KAT6B: variants seen among roughly 807,000 people sequenced by gnomAD.
KAT6B encodes histone acetyltransferase KAT6B.
A neutral mutation model predicts 187.5 loss-of-function variants in KAT6B; 10 were observed. The observed-to-expected ratio is 0.05, with a 90% CI of 0.03 to 0.09. KAT6B has a LOEUF of 0.09. Among genes scored for constraint, KAT6B ranks in the 10% least tolerant of loss-of-function variants. The pLI is 1.00. For synonymous variants in KAT6B, 861 were observed against 926.8 expected (o/e 0.93, Z 1.29); for missense variants, 1,952 against 2,558.9 (o/e 0.76, Z 5.12).
intron 3 of KAT6B, among the ~76,000 whole-genome samples, chr10:74,867,902 G>C (rs2132363601): frequency 6.6e-6 from 1 of 152,288 alleles, no homozygotes; most frequent in East Asian, 1.9e-4. Context: ...TTTCTGTTCT[G>C]ATGGAAGTGA....
intron 3 of KAT6B, among the ~76,000 whole-genome samples, chr10:74,863,087 G>T (rs755768431): frequency 2.0e-5 from 3 of 152,114 alleles, no homozygotes; most frequent in Non-Finnish European, 4.4e-5. Flanking sequence ...CATGCTCCTT[G>T]TACAGACTTT....
chr10:74,901,584 G>T (rs1188517744), intron 3 of KAT6B, among the ~76,000 whole-genome samples: 1 of 152,120 alleles, frequency 6.6e-6, no homozygotes, highest in Non-Finnish European at 1.5e-5. Flanking sequence ...ATTATACCTG[G>T]AAACACTTTG....
At chr10:74,842,369 TC>T (rs1841809917) in intron 2 of KAT6B, among the ~76,000 whole-genome samples, 1 of 152,196 alleles carries the variant, frequency 6.6e-6, no homozygotes, top group South Asian at 2.1e-4. Flanking sequence ...TGATTATGCC[TC>T]ATAAATGACT....
At chr10:74,840,225 T>C (rs559924712) in intron 2 of KAT6B, among the ~76,000 whole-genome samples, 1 of 152,316 alleles carries the variant, frequency 6.6e-6, no homozygotes, top group Admixed American at 6.5e-5. Flanking sequence ...TGAACTGTCA[T>C]ATTTTAAGAT....
chr10:74,984,325 A>G (rs1589754654), intron 11 of KAT6B: 1 of 152,412 alleles, frequency 6.6e-6, no homozygotes, highest in East Asian at 1.9e-4. Context: ...GAAAAGTGCT[A>G]GGGAAATTCT....
At chr10:74,889,647 C>T (rs1017463778) in intron 3 of KAT6B, among the ~76,000 whole-genome samples, 2 of 152,162 alleles carry the variant, frequency 1.3e-5, no homozygotes, top group African/African-American at 4.8e-5. Context: ...ATCAAGGAGC[C>T]TTATCCAATG....
At chr10:74,860,016 G>A (rs538307168) in intron 3 of KAT6B, among the ~76,000 whole-genome samples, 3 of 152,228 alleles carry the variant, frequency 2.0e-5, no homozygotes, top group Admixed American at 6.5e-5. Flanking sequence ...TAAAGAGCTA[G>A]CATTGAGAAC....
At chr10:74,961,727 G>C (rs1841109216) in intron 4 of KAT6B, among the ~76,000 whole-genome samples, 1 of 152,198 alleles carries the variant, frequency 6.6e-6, no homozygotes, top group Non-Finnish European at 1.5e-5. Context: ...CTTTATGTTT[G>C]AGGTCACTGA....
At chr10:74,961,869 A>C (rs1472415693) in intron 4 of KAT6B, among the ~76,000 whole-genome samples, 2 of 152,122 alleles carry the variant, frequency 1.3e-5, no homozygotes, top group African/African-American at 4.8e-5. Context: ...ACAAATGGAG[A>C]ATAATGACTT....
intron 9 of KAT6B, among the ~76,000 whole-genome samples, chr10:74,978,089 G>A (rs1842275921): frequency 6.6e-6 from 1 of 152,172 alleles, no homozygotes; most frequent in African/African-American, 2.4e-5. Context: ...GTGTGGTCAG[G>A]TAGACTCCCT....
At chr10:74,925,948 G>T (rs1485585563) in intron 3 of KAT6B, among the ~76,000 whole-genome samples, 4 of 152,096 alleles carry the variant, frequency 2.6e-5, no homozygotes, top group Admixed American at 6.6e-5. Flanking sequence ...ATGGCAGGGT[G>T]GGGGGCAGGG....
At chr10:75,013,324 T>C (rs1844745051) in intron 13 of KAT6B, among the ~76,000 whole-genome samples, 1 of 152,086 alleles carries the variant, frequency 6.6e-6, no homozygotes, top group African/African-American at 2.4e-5. Flanking sequence ...CTGGGAACTT[T>C]GTTGCCATTT....
intron 3 of KAT6B, among the ~76,000 whole-genome samples, chr10:74,855,514 A>G (rs1408501373): frequency 6.6e-6 from 1 of 152,226 alleles, no homozygotes; most frequent in African/African-American, 2.4e-5. Context: ...CAAAATTAGT[A>G]TTGTAAACAC....
chr10:74,989,342 A>G (rs977556447), intron 13 of KAT6B, among the ~76,000 whole-genome samples: 1 of 152,248 alleles, frequency 6.6e-6, no homozygotes, highest in African/African-American at 2.4e-5. Context: ...AGCAGGCCTC[A>G]TGCACAAAGC....
chr10:75,029,639 C>A lies in KAT6B; in HGVS notation c.4815C>A (p.Ser1605=), dbSNP rs762105075. 4 of 1,614,044 alleles carry A rather than the reference C, an allele frequency of 2.5e-6. No homozygotes were observed. The African/African-American group carries it at 5.3e-5, about 22-fold the overall frequency. The change falls in exon 18 of 18, where the codon TCC becomes TCA. Residue 1605 remains serine (S), a synonymous_variant. Coordinates refer to ENST00000287239, the MANE Select transcript of KAT6B (RefSeq NM_012330.4). The surrounding 1 kb of genome is among the most constrained non-coding windows in gnomAD (Gnocchi z 6.2). The part of the protein sequence containing the change: ...DHSSPVSSVH[S]HPGQSVRSVN... ...GTAGCCCAGTTTCATCCGTCCACTC[C>A]CATCCTGGCCAGTCCGTACGTTCTG...
At chr10:75,001,698 G>T (rs1364227442) in intron 13 of KAT6B, among the ~76,000 whole-genome samples, 1 of 152,004 alleles carries the variant, frequency 6.6e-6, no homozygotes, top group Non-Finnish European at 1.5e-5. Context: ...AAACTTAAGA[G>T]TGTTTTTAAG....
intron 3 of KAT6B, among the ~76,000 whole-genome samples, chr10:74,897,091 A>G (rs1589573117): frequency 6.6e-6 from 1 of 152,334 alleles, no homozygotes; most frequent in East Asian, 1.9e-4. Context: ...ATTATGCCAT[A>G]CTGGGATTCT....
rs541593758 is a variant in KAT6B at position 75,021,898 on chromosome 10, A to G, written c.3039A>G (p.Glu1013=). 3.7e-6 allele frequency: 6 copies of G among 1,614,224 alleles called. No homozygotes were observed. The highest frequency in any genetic ancestry group is 5.1e-6 in the Non-Finnish European group (6 of 1,180,040). ...CCACTTAGGCTGAGCGGCTAATGGA[A>G]CAAGCTAGCTGCTGGGAGAAGGAGG... is the stretch of plus-strand genomic sequence containing the variant. ...EAEKEAERLM[E]QASCWEKEEQ... is the part of the protein sequence containing the mutation. The change falls in exon 16 of 18, where the codon GAA becomes GAG. Residue 1013 remains glutamate, a synonymous_variant. Coordinates refer to ENST00000287239, the MANE Select transcript of KAT6B (RefSeq NM_012330.4).
chr10:74,982,172 C>G (rs1589750850), intron 11 of KAT6B: 1 of 471,892 alleles, frequency 2.1e-6, no homozygotes, highest in Non-Finnish European at 3.9e-6. Flanking sequence ...AAATCCCTGT[C>G]TACACTAGAT....
Sources: gnomAD v4.1 joint callset for allele counts (sites outside exome capture counted in the v4.1 genomes callset) on GRCh38, gnomAD v4.1.1 for gene constraint, Gnocchi (gnomAD v3.1) non-coding constraint, MANE v1.5 for transcripts, NCBI Gene and HGNC (gene_info 2026-07-23, HGNC 2026-07-21) for gene names.